DIP2C: variants seen among roughly 807,000 people sequenced by gnomAD.
DIP2C encodes the protein DIP2 acetate--CoA ligase C (putative), also known as disco-interacting protein 2 homolog C.
DIP2C carries 33 observed loss-of-function variants against 192.4 expected under a neutral mutation model. That is an observed-to-expected ratio of 0.17 (90% CI 0.13 to 0.23). The LOEUF (loss-of-function observed/expected upper bound fraction) is 0.23. Among genes scored for constraint, DIP2C ranks in the 10% least tolerant of loss-of-function variants. DIP2C has a pLI of 1.00. For missense variants in DIP2C, 1,537 were observed against 2,110.1 expected (o/e 0.73, Z 5.32); for synonymous variants, 979 against 864.1 (o/e 1.13, Z -2.33).
chr10:413,260 A>C (rs1201961676), intron 8 of DIP2C, among the ~76,000 whole-genome samples: 1 of 152,272 alleles, frequency 6.6e-6, no homozygotes, highest in Non-Finnish European at 1.5e-5. Flanking sequence ...AACCATGTGC[A>C]AAAAGCTTAC....
intron 1 of DIP2C, among the ~76,000 whole-genome samples, chr10:575,787 G>A (rs954672481): frequency 2.0e-5 from 3 of 152,208 alleles, no homozygotes; most frequent in Non-Finnish European, 2.9e-5. Flanking sequence ...CAGGGGCACA[G>A]TTTCCTCCCA....
At chr10:657,742 ACACTGGACCTGC>A (rs1856464638) in intron 1 of DIP2C, among the ~76,000 whole-genome samples, 2 of 122,574 alleles carry the variant, frequency 1.6e-5, no homozygotes, top group African/African-American at 3.3e-5. Flanking sequence ...GCTGGACCTG[ACACTGGACCTGC>A]CACTGGACCT....
Position 390,244 on chromosome 10 carries a change from G to A in DIP2C, c.1494+20C>T. On this transcript the variant is annotated intron_variant, in intron 12 of 36. Coordinates refer to ENST00000280886, the MANE Select transcript of DIP2C (RefSeq NM_014974.3). ...CAAGGCCACACTCAGGGCCAGTGGAGGAGGCCAAGGCTGACTCACCTCAAT... is the reference window on the plus strand; with the variant it reads ...CAAGGCCACACTCAGGGCCAGTGGAAGAGGCCAAGGCTGACTCACCTCAAT... 1 of 1,610,136 alleles carries A rather than the reference G, an allele frequency of 6.2e-7. No individual in the cohort carries two copies. The highest frequency in any genetic ancestry group is 1.1e-5 in the South Asian group (1 of 90,986).
At chr10:615,745 CCCA>C (rs1322055473) in intron 1 of DIP2C, among the ~76,000 whole-genome samples, 3 of 152,164 alleles carry the variant, frequency 2.0e-5, no homozygotes, top group Non-Finnish European at 2.9e-5. Flanking sequence ...GACAGCCACT[CCCA>C]CCAAGCTTCT....
chr10:604,391 G>T (rs556962413), intron 1 of DIP2C, among the ~76,000 whole-genome samples: 2 of 152,304 alleles, frequency 1.3e-5, no homozygotes, highest in South Asian at 2.1e-4. Flanking sequence ...CCTGAAAGAC[G>T]AGTGGACCCT....
Position 472,688 on chromosome 10 carries a change from A to C in DIP2C, c.158-139T>G, listed in dbSNP as rs1970726091. The C allele has an allele frequency of 5.5e-6, 4 of 730,314 alleles. No individual in the cohort carries two copies. The Admixed American group carries it at 9.6e-5, about 17-fold the overall frequency. 45.2% of individuals were successfully genotyped at this position (730,314 alleles called of 1,614,324 possible). On this transcript the variant is annotated intron_variant, in intron 2 of 36. Transcript: ENST00000280886. Reference sequence around the variant, plus strand: ...TGGGCATGGCGGCGCCTCAGAGCCCACAGACAGGAGGGCCAGGACTGAGGA... The same window carrying C: ...TGGGCATGGCGGCGCCTCAGAGCCCCCAGACAGGAGGGCCAGGACTGAGGA...
At chr10:518,919 C>G (rs903958348) in intron 1 of DIP2C, among the ~76,000 whole-genome samples, 8 of 152,366 alleles carry the variant, frequency 5.3e-5, no homozygotes, top group African/African-American at 1.9e-4. Flanking sequence ...CAGTCTGAAG[C>G]CTGTAACTTT....
At chr10:662,006 C>T in intron 1 of DIP2C, 1 of 713,364 alleles carries the variant, frequency 1.4e-6, no homozygotes, top group South Asian at 1.5e-5. Flanking sequence ...CCTCCTCTCG[C>T]CATGGCGAGT....
At chr10:405,060 C>T (rs1169855181) in intron 9 of DIP2C, among the ~76,000 whole-genome samples, 1 of 152,204 alleles carries the variant, frequency 6.6e-6, no homozygotes, top group Non-Finnish European at 1.5e-5. Flanking sequence ...AAGTTCCATC[C>T]AAAACTGATG....
At chr10:515,048 C>T (rs1387378943) in intron 1 of DIP2C, among the ~76,000 whole-genome samples, 2 of 152,106 alleles carry the variant, frequency 1.3e-5, no homozygotes. Context: ...TTCAGAAAAA[C>T]AAATTGTTCC....
At chr10:422,478 C>T (rs1966260638) in intron 5 of DIP2C, among the ~76,000 whole-genome samples, 1 of 152,166 alleles carries the variant, frequency 6.6e-6, no homozygotes, top group Admixed American at 6.5e-5. Flanking sequence ...CCCTCGTTTC[C>T]TTAAATGACT....
intron 32 of DIP2C, 27 bp downstream of exon 32, chr10:310,004 A>AAGAAAAAAC: frequency 1.2e-6 from 2 of 1,609,790 alleles, no homozygotes; most frequent in South Asian, 2.2e-5. Flanking sequence ...AAAGGAAAAA[A>AAGAAAAAAC]AGAAAAAACC....
chr10:670,091 TAC>T lies in DIP2C; in HGVS notation c.85+19401_85+19402del, dbSNP rs753840387. Among the ~76,000 whole-genome samples the T allele has an allele frequency of 2.9e-3, 440 of 152,234 alleles. 1 individual carries two copies. Among genetic ancestry groups the T allele is most frequent in the Admixed American group, 6.8e-3 (104 of 15,294 alleles). ...GCATATCTGTGCACACACACATGCA[TAC>T]ACACACATCCACACGTGTACATATG... On this transcript the variant is annotated intron_variant, in intron 1 of 36. Coordinates refer to ENST00000280886, the MANE Select transcript of DIP2C (RefSeq NM_014974.3).
chr10:337,644 G>A (rs1176755787), intron 29 of DIP2C, among the ~76,000 whole-genome samples: 4 of 144,080 alleles, frequency 2.8e-5, no homozygotes, highest in African/African-American at 1.0e-4. Flanking sequence ...GTGTGTTGTG[G>A]AGGCGTAGGC....
intron 1 of DIP2C, among the ~76,000 whole-genome samples, chr10:507,190 CAG>C (rs1845659758): frequency 6.7e-6 from 1 of 149,360 alleles, no homozygotes; most frequent in Admixed American, 6.7e-5. Context: ...TGTGCCCAAT[CAG>C]AAGCTTTTGA....
intron 1 of DIP2C, among the ~76,000 whole-genome samples, chr10:506,610 G>C (rs1459111411): frequency 6.6e-6 from 1 of 152,182 alleles, no homozygotes; most frequent in Non-Finnish European, 1.5e-5. Context: ...GGCACTCCCA[G>C]CAACACGCAT....
chr10:534,868 G>A (rs1564826637), intron 1 of DIP2C, among the ~76,000 whole-genome samples: 1 of 151,300 alleles, frequency 6.6e-6, no homozygotes, highest in Non-Finnish European at 1.5e-5. Flanking sequence ...AGTAGAGACG[G>A]GGTTTCACCT....
At chr10:309,869 G>C (rs1288606070) in intron 32 of DIP2C, among the ~76,000 whole-genome samples, 162 bp downstream of exon 32, 3 of 152,110 alleles carry the variant, frequency 2.0e-5, no homozygotes, top group East Asian at 3.9e-4. Context: ...CAATTGCAAA[G>C]TTCAAGCCAA....
intron 29 of DIP2C, among the ~76,000 whole-genome samples, chr10:336,194 C>T (rs368586263): frequency 1.3e-5 from 2 of 152,286 alleles, no homozygotes; most frequent in South Asian, 2.1e-4. Flanking sequence ...CATGGCAAGA[C>T]GCCATCTCTA....
Sources: allele counts gnomAD v4.1 joint callset (sites outside exome capture counted in the v4.1 genomes callset), GRCh38; gene constraint gnomAD v4.1.1; transcripts MANE v1.5; gene names NCBI Gene and HGNC (gene_info 2026-07-23, HGNC 2026-07-21).